Variants in USP43 observed in about 807,000 individuals in gnomAD.
USP43 encodes ubiquitin carboxyl-terminal hydrolase 43.
In USP43, 33 loss-of-function variants were observed where a neutral mutation model predicts 90.7. The ratio of observed to expected loss-of-function variants is 0.36; its 90% CI spans 0.28 to 0.49. The LOEUF (loss-of-function observed/expected upper bound fraction) is 0.49. Among genes scored for constraint, USP43 ranks in the 20% least tolerant of loss-of-function variants. USP43 has a pLI of 0.98. For synonymous variants in USP43, 598 were observed against 615.8 expected, an observed-to-expected ratio of 0.97 and a Z score of 0.43; for missense variants, 1,274 against 1,476.4, an observed-to-expected ratio of 0.86 and a Z score of 2.25.
chr17:9,728,230 C>T lies in USP43; in HGVS notation c.2612C>T (p.Ala871Val), dbSNP rs745826928. 3 of 1,613,886 alleles carry T rather than the reference C, an allele frequency of 1.9e-6. No homozygotes were observed. Among genetic ancestry groups the T allele is most frequent in the South Asian group, 2.2e-5 (2 of 91,076 alleles). Residue 871 changes from alanine (A) to valine (V), a missense_variant, in exon 15 of 15, where the codon GCC (alanine) becomes GTC (valine). Ala to Val is a moderately conservative substitution (Grantham distance 64, BLOSUM62 0). Transcript: ENST00000285199. The surrounding 1 kb of genome is among the most constrained non-coding windows in gnomAD (Gnocchi z 6.2). ...TCAGCATCGCCGAGGTCCAACGTCGCCCTTCCTGCTAACAGCGAAGATGGT... is the reference window on the plus strand; with the variant it reads ...TCAGCATCGCCGAGGTCCAACGTCGTCCTTCCTGCTAACAGCGAAGATGGT... ...EKSASPRSNV[A>V]LPANSEDGGR...
intron 9 of USP43, among the ~76,000 whole-genome samples, chr17:9,694,805 G>C (rs1193072190): frequency 6.6e-6 from 1 of 152,022 alleles, no homozygotes; most frequent in African/African-American, 2.4e-5. Flanking sequence ...TGTATTTTTA[G>C]TATAGACAGG....
intron 8 of USP43, among the ~76,000 whole-genome samples, chr17:9,688,606 C>T (rs887811167): frequency 3.1e-4 from 47 of 152,192 alleles, no homozygotes; most frequent in African/African-American, 1.1e-3. Context: ...ACTTCAACCT[C>T]CCAAAGTGCT....
chr17:9,663,125 TTA>T (rs142410739), intron 2 of USP43, among the ~76,000 whole-genome samples: 34,925 of 150,910 alleles, frequency 0.23, 4,054 homozygotes, highest in East Asian at 0.41. Flanking sequence ...GCCTTATGTT[TTA>T]TATATATATA....
chr17:9,719,521 G>A (rs747263650), intron 14 of USP43, among the ~76,000 whole-genome samples: 1 of 152,128 alleles, frequency 6.6e-6, no homozygotes, highest in Admixed American at 6.5e-5. Flanking sequence ...TCTGAGATTC[G>A]GTGTGAAGCA....
chr17:9,671,317 C>A (rs1913421139), intron 3 of USP43, among the ~76,000 whole-genome samples: 2 of 151,850 alleles, frequency 1.3e-5, no homozygotes, highest in Admixed American at 1.3e-4. Flanking sequence ...TTCTTCATGT[C>A]CTTCATAGCC....
chr17:9,724,141 A>T (rs890386015), intron 14 of USP43, among the ~76,000 whole-genome samples: 48 of 151,792 alleles, frequency 3.2e-4, no homozygotes, highest in African/African-American at 1.0e-3. Flanking sequence ...TGGCTCTTGG[A>T]GTGATGAAAA....
rs1385059046 is a variant in USP43 at position 9,682,937 on chromosome 17, G to C, written c.1220G>C (p.Gly407Ala). ...CTAATCCTCTTCTGTAACTTGGTGG[G>C]GTCAGGGCAGCAGGCTAGCAGGTAT... ...KVLILFCNLVGSGQQASRFGP... is the reference protein window; with the variant it reads ...KVLILFCNLVASGQQASRFGP... Residue 407 changes from glycine to alanine, a missense_variant, in exon 7 of 15, where the codon GGG becomes GCG. Transcript: ENST00000285199. The C allele has an allele frequency of 1.2e-6, 2 of 1,613,788 alleles. No homozygotes were observed. Among genetic ancestry groups the C allele is most frequent in the Non-Finnish European group, 1.7e-6 (2 of 1,179,764 alleles).
chr17:9,662,046 T>A (rs1912678411), intron 2 of USP43, among the ~76,000 whole-genome samples: 1 of 152,152 alleles, frequency 6.6e-6, no homozygotes, highest in East Asian at 1.9e-4. Context: ...CAGCAGGAAC[T>A]GCTCCATTCT....
At chr17:9,666,201 C>T (rs1017178716) in intron 2 of USP43, among the ~76,000 whole-genome samples, 2 of 152,138 alleles carry the variant, frequency 1.3e-5, no homozygotes, top group Admixed American at 1.3e-4. Context: ...GAAACTGACT[C>T]CTGAGAAAAT....
chr17:9,725,535 T>C (rs1350966637), intron 14 of USP43, among the ~76,000 whole-genome samples: 3 of 152,200 alleles, frequency 2.0e-5, no homozygotes, highest in African/African-American at 7.2e-5. Context: ...ATGCTGCTTA[T>C]TTCTCAATTT....
chr17:9,711,574 C>T (rs868712239), intron 13 of USP43, among the ~76,000 whole-genome samples: 25 of 152,142 alleles, frequency 1.6e-4, no homozygotes, highest in African/African-American at 4.6e-4. Flanking sequence ...GATTTACAGG[C>T]GCCCACCACC....
intron 14 of USP43, among the ~76,000 whole-genome samples, chr17:9,719,782 G>A (rs1389027934): frequency 6.6e-6 from 1 of 152,082 alleles, no homozygotes; most frequent in Non-Finnish European, 1.5e-5. Flanking sequence ...AAAATCCAGC[G>A]TTTGCTGGAC....
chr17:9,715,721 ATGTGTGTG>A (rs1555555524), intron 14 of USP43, among the ~76,000 whole-genome samples: 2 of 102,986 alleles, frequency 1.9e-5, no homozygotes, highest in African/African-American at 6.7e-5. Context: ...CTGTGTGTGT[ATGTGTGTG>A]TGTGTGTGTG....
intron 2 of USP43, 53 bp from the exon 3 acceptor site, chr17:9,666,595 T>C: frequency 6.9e-7 from 1 of 1,446,258 alleles, no homozygotes; most frequent in Non-Finnish European, 9.5e-7. Context: ...CTGGAAGCAG[T>C]TGAGTGATGA....
Position 9,680,369 on chromosome 17 carries a change from A to T in USP43, c.1105+3A>T, listed in dbSNP as rs1307588474. 4 of 1,613,800 alleles carry T rather than the reference A, an allele frequency of 2.5e-6. No individual in the cohort carries two copies. On this transcript the variant is annotated splice_donor_region_variant and intron_variant, in intron 6 of 14. Coordinates refer to ENST00000285199, the MANE Select transcript of USP43 (RefSeq NM_153210.5). ...ACCCAGCCAGGGGACTCTCTCAGGT[A>T]TAACAGGTGCTTTGCACAATTTTAT... is the stretch of plus-strand genomic sequence containing the variant.
In USP43 at chr17:9,701,753, T is replaced by C; in HGVS notation, c.2011+53T>C. ...TGCAGCTGTGGCCACAGCCTCGAGA[T>C]GTCCCTGGAATGGGTGTTGCTCAGA... is the stretch of plus-strand genomic sequence containing the variant. On this transcript the variant is annotated intron_variant, in intron 12 of 14. Transcript: ENST00000285199. This position sits in a 1 kb window ranked among gnomAD's most constrained non-coding sequence, Gnocchi z 7.2. 1 of 1,435,118 alleles carries C rather than the reference T, an allele frequency of 7.0e-7. No homozygotes were observed. Among genetic ancestry groups the C allele is most frequent in the Non-Finnish European group, 9.3e-7 (1 of 1,071,608 alleles). 88.9% of individuals were successfully genotyped at this position (1,435,118 alleles called of 1,614,324 possible).
rs1353487833 is a variant in USP43 at position 9,728,981 on chromosome 17, C to T, written c.3363C>T (p.Ser1121=). Residue 1121 remains serine, a synonymous_variant, in exon 15 of 15, where the codon TCC becomes TCT. Coordinates refer to ENST00000285199, the MANE Select transcript of USP43 (RefSeq NM_153210.5). The surrounding 1 kb of genome is among the most constrained non-coding windows in gnomAD (Gnocchi z 6.2). Reference sequence around the variant, plus strand: ...GTCGAAAGAAAACCTTACCGGAGTCCAGCTTTTGATGGAGCGTGTCAGTAT... The same window carrying T: ...GTCGAAAGAAAACCTTACCGGAGTCTAGCTTTTGATGGAGCGTGTCAGTAT... ...SLGRKKTLPE[S]SF 6.4e-7 allele frequency: 1 copy of T among 1,568,478 alleles called. No individual in the cohort carries two copies. Among genetic ancestry groups the T allele is most frequent in the Admixed American group, 1.8e-5 (1 of 54,854 alleles).
chr17:9,673,592 G>T (rs80127160), intron 3 of USP43, among the ~76,000 whole-genome samples: 9,691 of 152,250 alleles, frequency 0.064, 304 homozygotes, highest in South Asian at 0.11. Context: ...AGAGTTGAAA[G>T]AATATAAATG....
chr17:9,691,751 A>G (rs1914966248), intron 8 of USP43, among the ~76,000 whole-genome samples: 1 of 150,708 alleles, frequency 6.6e-6, no homozygotes, highest in Admixed American at 6.6e-5. Context: ...GTTATTTTCC[A>G]TTAAAAAAAA....
Sources: allele counts gnomAD v4.1 joint callset (sites outside exome capture counted in the v4.1 genomes callset), GRCh38; gene constraint gnomAD v4.1.1; non-coding constraint Gnocchi (gnomAD v3.1); transcripts MANE v1.5; gene names NCBI Gene and HGNC (gene_info 2026-07-23, HGNC 2026-07-21).